CDC42SE2: variants seen among roughly 807,000 people sequenced by gnomAD.
CDC42SE2 encodes CDC42 small effector 2, also known as CDC42 small effector protein 2.
A neutral mutation model predicts 11.5 loss-of-function variants in CDC42SE2; 3 were observed. The observed-to-expected ratio is 0.26, with a 90% confidence interval of 0.12 to 0.67. CDC42SE2 has a LOEUF of 0.67. Ranked by LOEUF, CDC42SE2 falls within the 30% of genes least tolerant of loss-of-function variation. The pLI is 0.80. For synonymous variants in CDC42SE2, 33 were observed against 34.8 expected (o/e 0.95, Z 0.18); for missense variants, 82 against 106.8 (o/e 0.77, Z 1.02).
intron 1 of CDC42SE2, among the ~76,000 whole-genome samples, chr5:131,269,378 C>T (rs1265488358): frequency 1.3e-5 from 2 of 152,078 alleles, no homozygotes; most frequent in African/African-American, 4.8e-5. Flanking sequence ...AAATTATGAG[C>T]CCTGATATAT....
intron 2 of CDC42SE2, among the ~76,000 whole-genome samples, chr5:131,339,054 T>G (rs1758645416): frequency 6.6e-6 from 1 of 151,822 alleles, no homozygotes; most frequent in African/African-American, 2.4e-5. Context: ...GAGACCATAC[T>G]GGCCAACATG....
chr5:131,337,616 C>T (rs1173330753), intron 2 of CDC42SE2, among the ~76,000 whole-genome samples: 1 of 152,228 alleles, frequency 6.6e-6, no homozygotes, highest in African/African-American at 2.4e-5. Context: ...GTGGGCTCCA[C>T]CCAGTTCGAG....
chr5:131,371,686 G>T (rs1343651767), intron 3 of CDC42SE2, among the ~76,000 whole-genome samples: 1 of 152,218 alleles, frequency 6.6e-6, no homozygotes, highest in East Asian at 1.9e-4. Flanking sequence ...GTTAAGATCA[G>T]TGAATTAGTG....
chr5:131,220,025 A>G, the CDC42SE2 span, among the ~76,000 whole-genome samples: 2 of 152,128 alleles, frequency 1.3e-5, no homozygotes, highest in African/African-American at 4.8e-5. Context: ...TTCTGCTTGT[A>G]ATCACTCTAA....
At chr5:131,313,233 C>G (rs531464660) in intron 1 of CDC42SE2, among the ~76,000 whole-genome samples, 1 of 152,082 alleles carries the variant, frequency 6.6e-6, no homozygotes, top group Non-Finnish European at 1.5e-5. Context: ...CTGCCTGCCT[C>G]GGCCTCCCAA....
intron 3 of CDC42SE2, among the ~76,000 whole-genome samples, chr5:131,369,917 A>AT (rs1470441572): frequency 2.0e-5 from 3 of 152,220 alleles, no homozygotes; most frequent in African/African-American, 7.2e-5. Context: ...AATTTCAAGT[A>AT]TGGTTAAGCA....
chr5:131,264,549 G>A (rs1278036113), intron 1 of CDC42SE2, among the ~76,000 whole-genome samples: 1 of 152,062 alleles, frequency 6.6e-6, no homozygotes, highest in Admixed American at 6.5e-5. Context: ...TGCGAGGGGC[G>A]GGCGGGGAGG....
the CDC42SE2 span, among the ~76,000 whole-genome samples, chr5:131,238,090 A>G: frequency 1.6e-4 from 8 of 51,064 alleles, no homozygotes; most frequent in East Asian, 2.3e-3. Flanking sequence ...GAACCTCTCA[A>G]TAGTATTTTT....
intron 1 of CDC42SE2, among the ~76,000 whole-genome samples, chr5:131,279,461 C>CG (rs1757189570): frequency 1.4e-5 from 2 of 144,726 alleles, no homozygotes; most frequent in Admixed American, 1.4e-4. Flanking sequence ...TCCCCCCCCC[C>CG]CTTTCAGAAT....
intron 2 of CDC42SE2, among the ~76,000 whole-genome samples, chr5:131,258,604 A>T (rs1399611419): frequency 6.6e-6 from 1 of 151,672 alleles, no homozygotes; most frequent in Admixed American, 6.6e-5. Flanking sequence ...ACCCTAATTT[A>T]CCTCTCTCCA....
In CDC42SE2 at chr5:131,369,357, A is replaced by G. The variant is rs568957929; in HGVS notation, c.54+9810A>G. Among the ~76,000 whole-genome samples the G allele has an allele frequency of 3.9e-5, 6 of 152,346 alleles. No homozygotes were observed. In the South Asian group the frequency reaches 6.2e-4, roughly 16 times the overall value. On this transcript the variant is annotated intron_variant, in intron 3 of 4. Transcript: ENST00000505065. ...CTTTTGATAAACCTAGTACGCGACT[A>G]TTATGCACAATGCTCTTTTGTGCAT...
At chr5:131,367,099 AATAT>A (rs938691240) in intron 3 of CDC42SE2, among the ~76,000 whole-genome samples, 3 of 151,380 alleles carry the variant, frequency 2.0e-5, no homozygotes, top group African/African-American at 4.9e-5. Flanking sequence ...TATACAATCA[AATAT>A]ATATGTGTGT....
chr5:131,221,488 A>G, the CDC42SE2 span, among the ~76,000 whole-genome samples: 1 of 152,102 alleles, frequency 6.6e-6, no homozygotes. Flanking sequence ...CTGTATGCAA[A>G]GCAGCACAGC....
chr5:131,344,063 A>T (rs1758776068), intron 2 of CDC42SE2, among the ~76,000 whole-genome samples: 1 of 152,196 alleles, frequency 6.6e-6, no homozygotes, highest in African/African-American at 2.4e-5. Context: ...AAGATGGCTG[A>T]GTAGGAACAG....
At chr5:131,352,111 A>T (rs1437087009) in intron 2 of CDC42SE2, among the ~76,000 whole-genome samples, 1 of 152,238 alleles carries the variant, frequency 6.6e-6, no homozygotes, top group Non-Finnish European at 1.5e-5. Flanking sequence ...ACCCACTAGG[A>T]TGACTAGAAT....
chr5:131,267,165 C>T lies in CDC42SE2; in HGVS notation c.-455+2999C>T, dbSNP rs190526427. Among the ~76,000 whole-genome samples, 243 of 151,094 alleles carry T rather than the reference C, an allele frequency of 1.6e-3. 1 individual carries two copies. The highest frequency in any genetic ancestry group is 2.9e-3 in the Non-Finnish European group (194 of 67,884). On this transcript the variant is annotated intron_variant, in intron 1 of 4. Coordinates refer to ENST00000505065, the MANE Select transcript of CDC42SE2 (RefSeq NM_001375635.1). ...CACCTCCCTGGTTCAAGCAATTCTC[C>T]TGCCTCAGCCTCCCAAGTAGCTGGG...
chr5:131,240,499 TAAAC>T (rs1013728041), upstream of CDC42SE2, among the ~76,000 whole-genome samples: 19 of 152,304 alleles, frequency 1.2e-4, no homozygotes, highest in East Asian at 1.9e-4. Context: ...GTTTCTTTGT[TAAAC>T]AAACAAACAA....
At chr5:131,313,086 C>T (rs1399570059) in intron 1 of CDC42SE2, among the ~76,000 whole-genome samples, 1 of 151,892 alleles carries the variant, frequency 6.6e-6, no homozygotes, top group Non-Finnish European at 1.5e-5. Context: ...GGGTTCACAC[C>T]ATTCTGCTGC....
At chr5:131,385,782 T>C (rs1488845047) in intron 4 of CDC42SE2, 138 bp downstream of exon 4, 8 of 490,742 alleles carry the variant, frequency 1.6e-5, no homozygotes, top group Non-Finnish European at 2.9e-5. Context: ...AATATGAGCA[T>C]AGAAGAGAGA....
Sources: allele counts gnomAD v4.1 joint callset (sites outside exome capture counted in the v4.1 genomes callset), GRCh38; gene constraint gnomAD v4.1.1; transcripts MANE v1.5; gene names NCBI Gene and HGNC (gene_info 2026-07-23, HGNC 2026-07-21).